CEP170: variants seen among roughly 807,000 people sequenced by gnomAD.
CEP170 encodes the protein centrosomal protein of 170 kDa.
CEP170 carries 21 observed loss-of-function variants against 151.9 expected under a neutral mutation model. The ratio of observed to expected loss-of-function variants is 0.14; its 90% CI spans 0.10 to 0.20. CEP170 has a LOEUF of 0.20. Among genes scored for constraint, CEP170 ranks in the 10% least tolerant of loss-of-function variants. The probability of loss-of-function intolerance (pLI) is 1.00; values close to 1 mark genes in which losing one functional copy is unlikely to be tolerated. For synonymous variants in CEP170, 356 were observed against 648.8 expected (o/e 0.55, Z 6.86); for missense variants, 964 against 1,892.9 (o/e 0.51, Z 9.11).
At chr1:243,244,480 C>T (rs6689352) in intron 1 of CEP170, among the ~76,000 whole-genome samples, 47,869 of 151,992 alleles carry the variant, frequency 0.31, 7,905 homozygotes, top group South Asian at 0.54. Context: ...CCGTGGCTCA[C>T]GCCTGTAATC....
intron 3 of CEP170, among the ~76,000 whole-genome samples, chr1:243,218,369 G>A (rs2062495743): frequency 6.6e-6 from 1 of 152,246 alleles, no homozygotes; most frequent in Admixed American, 6.5e-5. Context: ...AGAGGGGCAA[G>A]GGCCCCAGTG....
chr1:243,159,761 T>TGTGTGTGTGTGTGTGTG (rs2057889522), intron 13 of CEP170, among the ~76,000 whole-genome samples: 1 of 60,850 alleles, frequency 1.6e-5, no homozygotes, highest in East Asian at 5.0e-4. Context: ...TTGTTTCCGG[T>TGTGTGTGTGTGTGTGTG]TTTGTGTGTG....
chr1:243,150,398 G>A (rs2056951321), intron 14 of CEP170, among the ~76,000 whole-genome samples: 1 of 152,204 alleles, frequency 6.6e-6, no homozygotes, highest in Non-Finnish European at 1.5e-5. Context: ...TGATCCGCCT[G>A]CCTTGGCCTC....
intron 14 of CEP170, among the ~76,000 whole-genome samples, chr1:243,152,884 G>C (rs1179501252): frequency 6.6e-6 from 1 of 152,180 alleles, no homozygotes; most frequent in African/African-American, 2.4e-5. Context: ...ATAACATTTT[G>C]CAAGACATAG....
At chr1:243,178,926 G>A (rs1436513298) in intron 10 of CEP170, among the ~76,000 whole-genome samples, 2 of 152,124 alleles carry the variant, frequency 1.3e-5, no homozygotes, top group East Asian at 3.9e-4. Flanking sequence ...CACCGTGTTA[G>A]CCAGGATGGT....
intron 10 of CEP170, among the ~76,000 whole-genome samples, chr1:243,176,344 G>A (rs921140080): frequency 2.0e-5 from 3 of 152,198 alleles, no homozygotes; most frequent in African/African-American, 7.2e-5. Context: ...TAGGACAGGA[G>A]GTGAAAACTC....
At chr1:243,209,090 T>C (rs2061604291) in intron 4 of CEP170, among the ~76,000 whole-genome samples, 1 of 152,252 alleles carries the variant, frequency 6.6e-6, no homozygotes, top group Non-Finnish European at 1.5e-5. Context: ...CCAAATCACT[T>C]ATTTCTCCAG....
chr1:243,162,104 A>T (rs978271131), intron 13 of CEP170, among the ~76,000 whole-genome samples: 3 of 152,214 alleles, frequency 2.0e-5, no homozygotes, highest in African/African-American at 4.8e-5. Context: ...TAGAGAATAT[A>T]AACTGGGTAA....
rs1425286228 is a variant in CEP170 at position 243,191,923 on chromosome 1, T to C, written c.632-429A>G. ...AGTCGCCAAGATGAGATATCTGAAATATATATGAACACATGTAGTGCTCCA... is the reference window on the plus strand; with the variant it reads ...AGTCGCCAAGATGAGATATCTGAAACATATATGAACACATGTAGTGCTCCA... On this transcript the variant is annotated intron_variant, in intron 7 of 19. Transcript: ENST00000366542. Among the ~76,000 whole-genome samples the C allele has an allele frequency of 5.3e-5, 8 of 152,276 alleles. No individual in the cohort carries two copies. In the South Asian group the frequency reaches 1.7e-3, roughly 32 times the overall value.
Position 243,185,727 on chromosome 1 carries a change from G to C in CEP170, c.1566+52C>G. 1 of 1,524,724 alleles carries C rather than the reference G, an allele frequency of 6.6e-7. No homozygotes were observed. The highest frequency in any genetic ancestry group is 8.8e-7 in the Non-Finnish European group (1 of 1,137,734). The allele number at this position is 1,524,724 out of a possible 1,614,324, so 94.4% of individuals were successfully genotyped here. A position where few individuals can be genotyped will look rare whatever the true frequency, so the allele number is the denominator to read the frequency against. ...GCTGACTCTCCAATAATTTCCACCA[G>C]TCAAATACACCACACAACAACTAAG... On this transcript the variant is annotated intron_variant, in intron 10 of 19. Transcript: ENST00000366542. The surrounding 1 kb of genome is among the most constrained non-coding windows in gnomAD (Gnocchi z 4.9).
At chr1:243,218,408 A>C (rs888785553) in intron 3 of CEP170, among the ~76,000 whole-genome samples, 6 of 152,230 alleles carry the variant, frequency 3.9e-5, no homozygotes, top group Non-Finnish European at 8.8e-5. Flanking sequence ...GAAGGCAAAC[A>C]GGGGTTCCCA....
In CEP170 at chr1:243,199,133, A is replaced by G. The variant is rs754623430; in HGVS notation, c.558T>C (p.Asp186=). 1.1e-4 allele frequency: 177 copies of G among 1,612,000 alleles called. No homozygotes were observed. The highest frequency in any genetic ancestry group is 1.4e-4 in the Non-Finnish European group (168 of 1,178,880). ...TGAAAGCTCTTTTTTCATCCACCTC[A>G]TCATCCCCCCACCATGACGGCTGCC... The part of the protein sequence containing the change: ...LYGQPSWWGD[D]EVDEKRAFKT... Residue 186 remains aspartate (D), a synonymous_variant, in exon 7 of 20, where the codon GAT becomes GAC. Coordinates refer to ENST00000366542, the MANE Select transcript of CEP170 (RefSeq NM_014812.3).
chr1:243,143,086 T>C (rs1211947093), intron 14 of CEP170, among the ~76,000 whole-genome samples: 1 of 152,190 alleles, frequency 6.6e-6, no homozygotes, highest in Non-Finnish European at 1.5e-5. Flanking sequence ...TCAAATATTT[T>C]GATAACTGAA....
chr1:243,166,120 T>C lies in CEP170; in HGVS notation c.1844-4A>G, dbSNP rs1299375200. 9 of 1,612,326 alleles carry C rather than the reference T, an allele frequency of 5.6e-6. No individual in the cohort carries two copies. Among genetic ancestry groups the C allele is most frequent in the Non-Finnish European group, 7.6e-6 (9 of 1,179,230 alleles). On this transcript the variant is annotated splice_polypyrimidine_tract_variant and splice_region_variant and intron_variant, in intron 12 of 19. Transcript: ENST00000366542. ...CCAGACTCACTGATCTCTGTCTCTATGAAATAAAAACCACAAAGAAGGAAT... is the reference window on the plus strand; with the variant it reads ...CCAGACTCACTGATCTCTGTCTCTACGAAATAAAAACCACAAAGAAGGAAT...
intron 10 of CEP170, among the ~76,000 whole-genome samples, chr1:243,179,921 G>A (rs923437234): frequency 7.2e-5 from 11 of 152,148 alleles, no homozygotes; most frequent in Non-Finnish European, 1.2e-4. Flanking sequence ...AGTGAATGAC[G>A]CAACTACTTT....
chr1:243,201,852 G>A (rs2061058285), intron 4 of CEP170, among the ~76,000 whole-genome samples: 1 of 152,126 alleles, frequency 6.6e-6, no homozygotes. Flanking sequence ...CAAGAGTCTA[G>A]TCAACTGAAT....
intron 1 of CEP170, among the ~76,000 whole-genome samples, chr1:243,230,981 A>G (rs953596365): frequency 1.3e-5 from 2 of 152,176 alleles, no homozygotes; most frequent in Admixed American, 1.3e-4. Flanking sequence ...AAGAATTTTG[A>G]AAACAGTGAC....
At chr1:243,163,696 A>T (rs2148527631) in intron 13 of CEP170, among the ~76,000 whole-genome samples, 1 of 152,324 alleles carries the variant, frequency 6.6e-6, no homozygotes, top group Admixed American at 6.5e-5. Flanking sequence ...AAATAAATTA[A>T]GGTTAGTTTT....
At chr1:243,127,919 T>C (rs899060347) in intron 19 of CEP170, among the ~76,000 whole-genome samples, 4 of 152,194 alleles carry the variant, frequency 2.6e-5, no homozygotes, top group African/African-American at 9.7e-5. Flanking sequence ...ATCACACAAA[T>C]AATGCTAATT....
Sources: allele counts gnomAD v4.1 joint callset (sites outside exome capture counted in the v4.1 genomes callset), GRCh38; gene constraint gnomAD v4.1.1; non-coding constraint Gnocchi (gnomAD v3.1); transcripts MANE v1.5; gene names NCBI Gene and HGNC (gene_info 2026-07-23, HGNC 2026-07-21).